Variants in ELL observed in about 807,000 individuals in gnomAD.
ELL encodes elongation factor for RNA polymerase II.
ELL carries 18 observed loss-of-function variants against 64.0 expected under a neutral mutation model. That is an observed-to-expected ratio of 0.28 (90% CI 0.19 to 0.42). ELL has a LOEUF of 0.42. Among genes scored for constraint, ELL ranks in the 10% least tolerant of loss-of-function variants. ELL has a pLI of 1.00. For missense variants in ELL, 797 were observed against 870.4 expected, an observed-to-expected ratio of 0.92 and a Z score of 1.06; for synonymous variants, 399 against 376.2, an observed-to-expected ratio of 1.06 and a Z score of -0.70.
At position 18,450,521 on chromosome 19, in the gene ELL, GCA is replaced by G; in HGVS notation, c.1419_1420del (p.Ala474ThrfsTer34). 1 of 1,613,270 alleles carries G rather than the reference GCA, an allele frequency of 6.2e-7. No homozygotes were observed. On this transcript the variant is annotated frameshift_variant, in exon 8 of 12. Transcript: ENST00000262809. LOFTEE classifies it high-confidence loss of function. ...TCCGGGGGTGGCATGGGTGGCAGGT[GCA>G]CAGTCTGGAAGCTGGGCCCGGGGCT...
At chr19:18,456,961 GA>G (rs34664859) in intron 6 of ELL, among the ~76,000 whole-genome samples, 33,674 of 137,628 alleles carry the variant, frequency 0.24, 3,839 homozygotes, top group African/African-American at 0.28. Flanking sequence ...TGCTAAATAG[GA>G]AAAAAAAAAA....
chr19:18,509,775 G>A (rs1052939375), intron 1 of ELL, among the ~76,000 whole-genome samples: 3 of 151,962 alleles, frequency 2.0e-5, no homozygotes, highest in Non-Finnish European at 4.4e-5. Context: ...TTCAGCAAAT[G>A]CCTCAGGGCT....
intron 1 of ELL, among the ~76,000 whole-genome samples, chr19:18,482,551 TGA>T (rs1975324544): frequency 6.6e-6 from 1 of 152,050 alleles, no homozygotes; most frequent in Non-Finnish European, 1.5e-5. Context: ...TTGGCCAGGC[TGA>T]TCTCAAACTC....
At position 18,465,946 on chromosome 19, in the gene ELL, G is replaced by A; in HGVS notation, c.184-28C>T. ...GCGTGGAGGGGGAGGGGGTGTCACT[G>A]GGAGGTCCTCGGCAGGACAGGTCCC... On this transcript the variant is annotated intron_variant, in intron 2 of 11. Transcript: ENST00000262809. 3 of 1,284,454 alleles carry A rather than the reference G, an allele frequency of 2.3e-6. No individual in the cohort carries two copies. The South Asian group carries it at 1.0e-4, about 44-fold the overall frequency. 79.6% of individuals were successfully genotyped at this position (1,284,454 alleles called of 1,614,324 possible). A position where few individuals can be genotyped will look rare whatever the true frequency, so the allele number is the denominator to read the frequency against.
At chr19:18,450,449 G>A (rs575326019) in intron 8 of ELL, 28 bp downstream of exon 8, 28 of 1,604,110 alleles carry the variant, frequency 1.7e-5, no homozygotes, top group Middle Eastern at 1.9e-4. Context: ...TTAGAGCCCC[G>A]GCAACGCCCT....
At chr19:18,483,438 G>A (rs542848984) in intron 1 of ELL, among the ~76,000 whole-genome samples, 32 of 152,278 alleles carry the variant, frequency 2.1e-4, no homozygotes, top group African/African-American at 7.2e-4. Flanking sequence ...AGCTGGGGGT[G>A]GGGGAGCTGC....
intron 2 of ELL, 26 bp downstream of exon 2, chr19:18,472,809 T>A (rs891617977): frequency 2.5e-6 from 4 of 1,592,786 alleles, no homozygotes; most frequent in Non-Finnish European, 3.4e-6. Context: ...AGATTCCAAA[T>A]ATGAATGATT....
chr19:18,502,323 C>G (rs1162297800), intron 1 of ELL, among the ~76,000 whole-genome samples: 1 of 152,174 alleles, frequency 6.6e-6, no homozygotes, highest in Non-Finnish European at 1.5e-5. Context: ...CTGGAGCCAT[C>G]ATCCGTGGAG....
At chr19:18,517,774 C>G (rs1300062655) in intron 1 of ELL, among the ~76,000 whole-genome samples, 1 of 151,608 alleles carries the variant, frequency 6.6e-6, no homozygotes, top group African/African-American at 2.4e-5. Context: ...GTAGTCCCGG[C>G]ACTCTGGGCA....
intron 1 of ELL, among the ~76,000 whole-genome samples, chr19:18,485,064 T>C (rs897914448): frequency 1.3e-5 from 2 of 152,214 alleles, no homozygotes; most frequent in Admixed American, 1.3e-4. Context: ...GGGCCTGACA[T>C]GGGCCATCCC....
chr19:18,513,836 C>A (rs1221418165), intron 1 of ELL, among the ~76,000 whole-genome samples: 3 of 152,088 alleles, frequency 2.0e-5, no homozygotes, highest in Non-Finnish European at 4.4e-5. Context: ...GAGGCTGAGG[C>A]AGGAGAATGG....
intron 2 of ELL, 38 bp from the exon 3 acceptor site, chr19:18,465,956 C>T (rs770487849): frequency 1.2e-5 from 15 of 1,272,178 alleles, no homozygotes; most frequent in Admixed American, 1.2e-4. Flanking sequence ...GGGAGGTCCT[C>T]GGCAGGACAG....
At chr19:18,445,960 G>C (rs1435753052) in intron 10 of ELL, among the ~76,000 whole-genome samples, 2 of 152,030 alleles carry the variant, frequency 1.3e-5, no homozygotes, top group Non-Finnish European at 2.9e-5. Context: ...CTGAGGGTTT[G>C]GCACAGGTAC....
At position 18,458,260 on chromosome 19, in the gene ELL, CCTT is replaced by C. The variant is rs1974724081; in HGVS notation, c.811_813del (p.Lys271del). 1 of 1,612,978 alleles carries C rather than the reference CCTT, an allele frequency of 6.2e-7. No homozygotes were observed. Among genetic ancestry groups the C allele is most frequent in the Admixed American group, 1.7e-5 (1 of 60,002 alleles). On this transcript the variant is annotated inframe_deletion, in exon 6 of 12. Coordinates refer to ENST00000262809, the MANE Select transcript of ELL (RefSeq NM_006532.4). ...TCCCCCTCCGAGTAGCCAGGCCAGT[CCTT>C]CTGCACATCCTTGTACATGCAGTCC...
intron 1 of ELL, among the ~76,000 whole-genome samples, chr19:18,502,987 C>T (rs1266652111): frequency 6.6e-6 from 1 of 152,246 alleles, no homozygotes. Flanking sequence ...ACCCACCACA[C>T]ACAGGCACAG....
At chr19:18,456,529 T>A (rs535529287) in intron 6 of ELL, among the ~76,000 whole-genome samples, 1 of 152,164 alleles carries the variant, frequency 6.6e-6, no homozygotes, top group East Asian at 1.9e-4. Flanking sequence ...GAGGAGTATA[T>A]AGACTCTGGC....
chr19:18,482,307 C>CTTT (rs1975316493), intron 1 of ELL, among the ~76,000 whole-genome samples: 3 of 79,046 alleles, frequency 3.8e-5, no homozygotes, highest in African/African-American at 8.6e-5. Flanking sequence ...TCTTTTCATT[C>CTTT]CTTTTTTTTT....
intron 5 of ELL, among the ~76,000 whole-genome samples, chr19:18,459,801 C>T (rs997256522): frequency 1.3e-5 from 2 of 152,134 alleles, no homozygotes; most frequent in Non-Finnish European, 2.9e-5. Flanking sequence ...GCTGGGATTA[C>T]AGGCGTGAGC....
intron 5 of ELL, among the ~76,000 whole-genome samples, chr19:18,458,799 A>G (rs929921715): frequency 6.6e-6 from 1 of 151,768 alleles, no homozygotes; most frequent in African/African-American, 2.4e-5. Context: ...TACTCCAGCT[A>G]ATTTTTTTTA....
Sources: gnomAD v4.1 joint callset for allele counts (sites outside exome capture counted in the v4.1 genomes callset) on GRCh38, gnomAD v4.1.1 for gene constraint, MANE v1.5 for transcripts, NCBI Gene and HGNC (gene_info 2026-07-23, HGNC 2026-07-21) for gene names.